DYNC2I2: variants seen among roughly 807,000 people sequenced by gnomAD.
The protein encoded by DYNC2I2 is dynein 2 intermediate chain 2, also known as cytoplasmic dynein 2 intermediate chain 2.
Under a neutral mutation model 52.0 loss-of-function variants are expected in DYNC2I2, and 39 were observed. The ratio of observed to expected loss-of-function variants is 0.75; its 90% CI spans 0.58 to 0.98. DYNC2I2 has a LOEUF of 0.98. Ranked by LOEUF, DYNC2I2 falls within the 50% of genes least tolerant of loss-of-function variation. DYNC2I2 has a pLI of 0.00. For synonymous variants in DYNC2I2, 359 were observed against 321.1 expected (o/e 1.12, Z -1.26); for missense variants, 743 against 728.4 (o/e 1.02, Z -0.23).
the DYNC2I2 span, chr9:128,684,095 T>C: frequency 2.8e-6 from 3 of 1,081,826 alleles, no homozygotes; most frequent in Middle Eastern, 6.1e-4. Context: ...CCTCTTGAGA[T>C]GTGACCCCTA....
chr9:128,664,642 G>A, the DYNC2I2 span, among the ~76,000 whole-genome samples: 2,955 of 151,842 alleles, frequency 0.019, 97 homozygotes, highest in African/African-American at 0.068. Context: ...CTGCCACCAC[G>A]CCCAACTAAT....
chr9:128,641,637 T>C (rs751420873), intron 1 of DYNC2I2, among the ~76,000 whole-genome samples: 5 of 152,126 alleles, frequency 3.3e-5, no homozygotes, highest in Non-Finnish European at 7.4e-5. Flanking sequence ...ATCATGGTGA[T>C]TGCTGCTATC....
chr9:128,684,074 A>G, the DYNC2I2 span: 1 of 1,284,132 alleles, frequency 7.8e-7, no homozygotes, highest in Non-Finnish European at 1.1e-6. Flanking sequence ...TCTGATTTTT[A>G]CCCCCCAATC....
chr9:128,640,587 G>T, intron 2 of DYNC2I2, 104 bp downstream of exon 2: 2 of 1,517,324 alleles, frequency 1.3e-6, no homozygotes, highest in South Asian at 1.3e-5. Flanking sequence ...GTGATTGCTG[G>T]CCGTGATGAT....
the DYNC2I2 span, among the ~76,000 whole-genome samples, chr9:128,671,333 G>A: frequency 1.4e-5 from 2 of 140,690 alleles, no homozygotes; most frequent in African/African-American, 2.6e-5. Flanking sequence ...ATGGAGTCTT[G>A]CTCTGTCACC....
At chr9:128,660,342 CCT>C (rs1202075425), upstream of DYNC2I2, among the ~76,000 whole-genome samples, 1 of 149,674 alleles carries the variant, frequency 6.7e-6, no homozygotes, top group African/African-American at 2.4e-5. Flanking sequence ...GATCTCCTGA[CCT>C]TGTGATCTGC....
In DYNC2I2 at chr9:128,656,772, C is replaced by A. The variant is rs1026474098; in HGVS notation, c.-46G>T. 6 of 1,314,678 alleles carry A rather than the reference C, an allele frequency of 4.6e-6. No individual in the cohort carries two copies. The highest frequency in any genetic ancestry group is 1.5e-5 in the African/African-American group (1 of 65,056). The allele number at this position is 1,314,678 out of a possible 1,614,324, so 81.4% of individuals were successfully genotyped here. On this transcript the variant is annotated 5_prime_UTR_variant, in exon 1 of 9. The change creates a premature stop within an existing upstream ORF in the 5' untranslated region. Transcript: ENST00000372715. ...GTGCGGACGCACTCAGGCGCGACCT[C>A]CGCCCCTACGCCGCCATGAGCGGAA...
In DYNC2I2 at chr9:128,646,197, TTTC is replaced by T. The variant is rs1192311148; in HGVS notation, c.187-5261_187-5259del. On this transcript the variant is annotated intron_variant, in intron 1 of 8. Coordinates refer to ENST00000372715, the MANE Select transcript of DYNC2I2 (RefSeq NM_052844.4). ...AAGGTGGCCGCACTAAACAATAGAT[TTTC>T]TTTTTGTTGTTGTTTTTTTGTTTTT... Among the ~76,000 whole-genome samples the T allele has an allele frequency of 9.2e-5, 14 of 152,202 alleles. 1 individual carries two copies. The highest frequency in any genetic ancestry group is 1.6e-4 in the Non-Finnish European group (11 of 67,994).
intron 1 of DYNC2I2, among the ~76,000 whole-genome samples, chr9:128,641,152 T>C (rs1292226862): frequency 6.6e-6 from 1 of 152,060 alleles, no homozygotes; most frequent in African/African-American, 2.4e-5. Flanking sequence ...ACCGTGTCCC[T>C]ACCTCAGCCA....
the DYNC2I2 span, among the ~76,000 whole-genome samples, chr9:128,679,146 G>A: frequency 6.6e-6 from 1 of 152,244 alleles, no homozygotes; most frequent in African/African-American, 2.4e-5. Flanking sequence ...TGAGACTTAG[G>A]CTTGTTAGCA....
At position 128,650,526 on chromosome 9, in the gene DYNC2I2, C is replaced by CATATAT. The variant is rs57194999; in HGVS notation, c.186+6009_186+6014dup. Among the ~76,000 whole-genome samples the CATATAT allele has an allele frequency of 1.7e-4, 7 of 41,474 alleles. 3 individuals are homozygous for CATATAT. The highest frequency in any genetic ancestry group is 3.8e-4 in the African/African-American group (7 of 18,632). 27.2% of individuals were successfully genotyped at this position (41,474 alleles called of 152,430 possible). A position where few individuals can be genotyped will look rare whatever the true frequency, so the allele number is the denominator to read the frequency against. On this transcript the variant is annotated intron_variant, in intron 1 of 8. Transcript: ENST00000372715. The stretch of plus-strand genomic sequence containing the variant: ...AGAAAAGTCAAGTCAGGCCAAAGAC[C>CATATAT]ATATATATATATATATATATATGCC...
chr9:128,680,418 C>T, the DYNC2I2 span, among the ~76,000 whole-genome samples: 7 of 151,680 alleles, frequency 4.6e-5, no homozygotes, highest in African/African-American at 1.5e-4. Flanking sequence ...TGCTCTGTCG[C>T]CCAGGCTGGA....
chr9:128,683,851 C>G, the DYNC2I2 span: 3 of 1,485,550 alleles, frequency 2.0e-6, no homozygotes, highest in Admixed American at 2.1e-5. Context: ...TGCTTCCGGA[C>G]GGGCGAGGAG....
the DYNC2I2 span, among the ~76,000 whole-genome samples, chr9:128,673,772 C>T: frequency 1.3e-5 from 2 of 150,666 alleles, no homozygotes; most frequent in East Asian, 3.9e-4. Flanking sequence ...TCCCAAAGTG[C>T]TAGGATTACA....
At chr9:128,656,279 T>C (rs1860822309) in intron 1 of DYNC2I2, among the ~76,000 whole-genome samples, 2 of 152,006 alleles carry the variant, frequency 1.3e-5, no homozygotes, top group Non-Finnish European at 2.9e-5. Flanking sequence ...TCACACAAAA[T>C]CCTTCAAAAC....
intron 1 of DYNC2I2, 35 bp downstream of exon 1, chr9:128,656,506 G>A (rs1411853584): frequency 1.6e-6 from 2 of 1,249,378 alleles, no homozygotes; most frequent in Non-Finnish European, 2.0e-6. Context: ...CCGCCTTCCC[G>A]CCCGCGTCGC....
At chr9:128,663,537 G>C in the DYNC2I2 span, 1 of 152,138 alleles carries the variant, frequency 6.6e-6, no homozygotes, top group Non-Finnish European at 1.5e-5. Flanking sequence ...CAGTGGAGGA[G>C]GGTGTGCTAG....
chr9:128,650,526 C>CATATATATATATATATATATATAT (rs57194999), intron 1 of DYNC2I2, among the ~76,000 whole-genome samples: 30 of 41,460 alleles, frequency 7.2e-4, no homozygotes, highest in African/African-American at 1.6e-3. Context: ...GGCCAAAGAC[C>CATATATATATATATATATATATAT]ATATATATAT....
the DYNC2I2 span, among the ~76,000 whole-genome samples, chr9:128,664,046 C>T: frequency 6.6e-6 from 1 of 151,140 alleles, no homozygotes; most frequent in Admixed American, 6.6e-5. Context: ...CAAACTTCAC[C>T]TCCCCGGTAC....
Sources: allele counts gnomAD v4.1 joint callset (sites outside exome capture counted in the v4.1 genomes callset), GRCh38; gene constraint gnomAD v4.1.1; transcripts MANE v1.5; gene names NCBI Gene and HGNC (gene_info 2026-07-23, HGNC 2026-07-21).